C1QTNF9: variants seen among roughly 807,000 people sequenced by gnomAD.
C1QTNF9 encodes C1q and TNF related 9.
Under a neutral mutation model 10.1 loss-of-function variants are expected in C1QTNF9, and 6 were observed. The observed-to-expected ratio is 0.59, with a 90% confidence interval of 0.32 to 1.17. C1QTNF9 has a LOEUF of 1.17. Ranked by LOEUF, C1QTNF9 falls within the 50% of genes most tolerant of loss-of-function variation. C1QTNF9 has a pLI of 0.04. For synonymous variants in C1QTNF9, 98 were observed against 163.5 expected (o/e 0.60, Z 3.06); for missense variants, 201 against 418.8 (o/e 0.48, Z 4.54).
chr13:24,319,885 T>G (rs4769342), intron 3 of C1QTNF9, among the ~76,000 whole-genome samples: 148,299 of 152,284 alleles, frequency 0.97, 72,307 homozygotes, highest in East Asian at 1. Flanking sequence ...TAGTTCCATA[T>G]GTGAGGGAAC....
chr13:24,318,143 A>G (rs1878110492), intron 2 of C1QTNF9, among the ~76,000 whole-genome samples: 3 of 152,152 alleles, frequency 2.0e-5, no homozygotes, highest in Admixed American at 2.0e-4. Flanking sequence ...CTCTACTGCC[A>G]TAGCCAGAGC....
chr13:24,308,477 TC>T (rs1877685748), upstream of C1QTNF9, among the ~76,000 whole-genome samples: 1 of 152,180 alleles, frequency 6.6e-6, no homozygotes, highest in Admixed American at 6.5e-5. Flanking sequence ...CAGATCTCAC[TC>T]ATTTTACACC....
chr13:24,307,334 G>A (rs1877636787), upstream of C1QTNF9: 1 of 152,336 alleles, frequency 6.6e-6, no homozygotes, highest in African/African-American at 2.4e-5. Flanking sequence ...GCAGTGGGGC[G>A]GGGCCGCTTT....
chr13:24,313,857 A>G (rs1877929429), intron 1 of C1QTNF9, among the ~76,000 whole-genome samples: 1 of 152,260 alleles, frequency 6.6e-6, no homozygotes, highest in Admixed American at 6.5e-5. Context: ...AGTCGTAAGT[A>G]CATTTATAAT....
At chr13:24,310,642 G>C (rs1348686896) in intron 1 of C1QTNF9, among the ~76,000 whole-genome samples, 1 of 151,764 alleles carries the variant, frequency 6.6e-6, no homozygotes, top group Admixed American at 6.6e-5. Flanking sequence ...GGCTGGGCGC[G>C]GTGGCTCACA....
intron 1 of C1QTNF9, among the ~76,000 whole-genome samples, chr13:24,310,084 G>A (rs1877752768): frequency 6.6e-6 from 1 of 151,528 alleles, no homozygotes; most frequent in Admixed American, 6.6e-5. Flanking sequence ...AGTAGAGATG[G>A]GGTTCCACCA....
chr13:24,319,447 G>A (rs1220502620), intron 3 of C1QTNF9, among the ~76,000 whole-genome samples: 2 of 152,166 alleles, frequency 1.3e-5, no homozygotes, highest in African/African-American at 4.8e-5. Context: ...GCTGAGGTGG[G>A]AGGATCGCTT....
At chr13:24,316,307 A>C in intron 2 of C1QTNF9, 138 bp downstream of exon 2, 2 of 1,281,704 alleles carry the variant, frequency 1.6e-6, no homozygotes, top group South Asian at 1.4e-5. Context: ...AGCAACACTC[A>C]CTGGAGCCTG....
At chr13:24,316,921 G>A (rs1274138697) in intron 2 of C1QTNF9, among the ~76,000 whole-genome samples, 3 of 152,154 alleles carry the variant, frequency 2.0e-5, no homozygotes, top group African/African-American at 7.2e-5. Flanking sequence ...CTGGGTTAAG[G>A]GCACAGTTCA....
chr13:24,322,012 T>A, exon 4 of C1QTNF9: 1 of 505,204 alleles, frequency 2.0e-6, no homozygotes, highest in Non-Finnish European at 3.1e-6. Context: ...ATCTGAAGAA[T>A]CCCTCGTCTG....
upstream of C1QTNF9, among the ~76,000 whole-genome samples, chr13:24,308,372 G>C (rs1461471228): frequency 6.6e-6 from 1 of 152,252 alleles, no homozygotes. Context: ...AGCCCGGCCA[G>C]AACTGCTGAG....
At chr13:24,312,970 G>GA (rs1027769191) in intron 1 of C1QTNF9, among the ~76,000 whole-genome samples, 21 of 122,106 alleles carry the variant, frequency 1.7e-4, no homozygotes, top group East Asian at 2.5e-4. Flanking sequence ...AAAAAAAAAA[G>GA]AAAAAAAAAA....
exon 4 of C1QTNF9, chr13:24,321,417 A>G (rs1456786542): frequency 6.2e-7 from 1 of 1,609,924 alleles, no homozygotes; most frequent in African/African-American, 1.3e-5. Flanking sequence ...TTCCTTCTTC[A>G]GATATGCCCA....
intron 2 of C1QTNF9, among the ~76,000 whole-genome samples, chr13:24,317,123 TCTC>T (rs1878068984): frequency 6.6e-6 from 1 of 152,122 alleles, no homozygotes; most frequent in Admixed American, 6.5e-5. Flanking sequence ...TGAGGTGTCT[TCTC>T]CTGGCTCACA....
chr13:24,320,721 CTT>C (rs879414090), intron 3 of C1QTNF9, among the ~76,000 whole-genome samples: 9 of 144,536 alleles, frequency 6.2e-5, no homozygotes, highest in Admixed American at 1.4e-4. Context: ...TTTTCTTTTT[CTT>C]TTTTTTTTTT....
At chr13:24,316,952 A>G (rs1006877422) in intron 2 of C1QTNF9, among the ~76,000 whole-genome samples, 5 of 152,220 alleles carry the variant, frequency 3.3e-5, no homozygotes, top group Non-Finnish European at 5.9e-5. Context: ...AAAAAAATAT[A>G]TCAAAACTTC....
chr13:24,319,556 C>G (rs2862240), intron 3 of C1QTNF9, among the ~76,000 whole-genome samples: 50,901 of 151,926 alleles, frequency 0.34, 10,209 homozygotes, highest in Non-Finnish European at 0.43. Context: ...AACAAAAAAA[C>G]AAGCAGACAA....
upstream of C1QTNF9, among the ~76,000 whole-genome samples, chr13:24,308,249 A>T (rs1286437428): frequency 6.6e-6 from 1 of 152,164 alleles, no homozygotes; most frequent in Non-Finnish European, 1.5e-5. Flanking sequence ...GGAAGCGGGG[A>T]AGGGCCGGGC....
exon 4 of C1QTNF9, chr13:24,322,025 C>T (rs759570956): frequency 5.8e-5 from 26 of 447,332 alleles, no homozygotes; most frequent in Admixed American, 1.7e-4. Context: ...CTCGTCTGTG[C>T]GTTTCTTGTG....
Sources: gnomAD v4.1 joint callset for allele counts (sites outside exome capture counted in the v4.1 genomes callset) on GRCh38, gnomAD v4.1.1 for gene constraint, MANE v1.5 for transcripts, NCBI Gene and HGNC (gene_info 2026-07-23, HGNC 2026-07-21) for gene names.